The following PPIP5K2 variants were observed in gnomAD, a reference collection of about 807,000 sequenced individuals.
The protein encoded by PPIP5K2 is inositol hexakisphosphate and diphosphoinositol-pentakisphosphate kinase 2.
A neutral mutation model predicts 154.6 loss-of-function variants in PPIP5K2; 105 were observed. That is an observed-to-expected ratio of 0.68 (90% CI 0.58 to 0.80). The LOEUF is 0.80. Among genes scored for constraint, PPIP5K2 ranks in the 30% least tolerant of loss-of-function variants. The probability of loss-of-function intolerance (pLI) is 0.00; values close to 1 mark genes in which losing one functional copy is unlikely to be tolerated. For missense variants in PPIP5K2, 992 were observed against 1,504.6 expected, an observed-to-expected ratio of 0.66 and a Z score of 5.64; for synonymous variants, 480 against 490.3, an observed-to-expected ratio of 0.98 and a Z score of 0.28.
intron 24 of PPIP5K2, among the ~76,000 whole-genome samples, chr5:103,181,888 A>G (rs1446281315): frequency 1.3e-5 from 2 of 152,152 alleles, no homozygotes; most frequent in African/African-American, 2.4e-5. Flanking sequence ...GTAGATCCTT[A>G]TAACTTTATA....
In PPIP5K2 at chr5:103,129,580, T is replaced by C. The variant is rs1790274354; in HGVS notation, c.-10T>C. On this transcript the variant is annotated 5_prime_UTR_variant, in exon 2 of 31. Transcript: ENST00000358359. ...TCATTTCAATTATATCTACATCAAATAAAATAAAAATGAGTGAAGCCCCCA... is the reference window on the plus strand; with the variant it reads ...TCATTTCAATTATATCTACATCAAACAAAATAAAAATGAGTGAAGCCCCCA... 6.4e-7 allele frequency: 1 copy of C among 1,566,430 alleles called. No homozygotes were observed. The highest frequency in any genetic ancestry group is 1.4e-5 in the African/African-American group (1 of 72,092).
chr5:103,194,467 T>A (rs548286733), intron 29 of PPIP5K2, among the ~76,000 whole-genome samples: 1 of 152,200 alleles, frequency 6.6e-6, no homozygotes, highest in Non-Finnish European at 1.5e-5. Context: ...CCAGTTGAAA[T>A]TTATCCTCCT....
In PPIP5K2 at chr5:103,168,056, T is replaced by G; in HGVS notation, c.2063-16T>G. ...ATTTTTAAGTTGCATAAACTAAAAA[T>G]GTTATGTTGTTTTAGATATTCAGCT... On this transcript the variant is annotated splice_polypyrimidine_tract_variant and intron_variant, in intron 18 of 30. Coordinates refer to ENST00000358359, the MANE Select transcript of PPIP5K2 (RefSeq NM_001276277.3). 1 of 1,520,556 alleles carries G rather than the reference T, an allele frequency of 6.6e-7. No homozygotes were observed. 94.2% of individuals were successfully genotyped at this position (1,520,556 alleles called of 1,614,324 possible).
rs189819546 is a variant in PPIP5K2 at position 103,203,333 on chromosome 5, A to C, written c.*1699A>C. The C allele has an allele frequency of 7.2e-5, 11 of 152,304 alleles. No individual in the cohort carries two copies. The East Asian group carries it at 2.1e-3, about 29-fold the overall frequency. 9.4% of individuals were successfully genotyped at this position (152,304 alleles called of 1,614,324 possible). On this transcript the variant is annotated 3_prime_UTR_variant, in exon 31 of 31. Coordinates refer to ENST00000358359, the MANE Select transcript of PPIP5K2 (RefSeq NM_001276277.3). ...TATTAAATAAAATTTATTATTGGCT[A>C]TATACATAGCAATATATTACTTTCC...
chr5:103,142,578 C>T (rs1424531668), intron 5 of PPIP5K2, among the ~76,000 whole-genome samples: 1 of 152,140 alleles, frequency 6.6e-6, no homozygotes, highest in Non-Finnish European at 1.5e-5. Flanking sequence ...GCTGTGAGGA[C>T]TGCTAGCACG....
At chr5:103,152,795 T>A (rs1554211778) in intron 10 of PPIP5K2, 46 bp downstream of exon 10, 1 of 1,269,052 alleles carries the variant, frequency 7.9e-7, no homozygotes, top group Non-Finnish European at 1.1e-6. Context: ...TTCCTTGCCA[T>A]CTGTGCTATT....
At chr5:103,155,271 A>T (rs1208843407) in intron 13 of PPIP5K2, among the ~76,000 whole-genome samples, 1 of 152,112 alleles carries the variant, frequency 6.6e-6, no homozygotes, top group Middle Eastern at 3.4e-3. Flanking sequence ...GCCTTAATCA[A>T]GTAAAATGGA....
chr5:103,167,398 CTTG>C (rs782306325), intron 18 of PPIP5K2, 78 bp downstream of exon 18: 191 of 1,223,940 alleles, frequency 1.6e-4, no homozygotes, highest in Non-Finnish European at 1.0e-4. Flanking sequence ...ATGCACCAAT[CTTG>C]TTGTAAGAAA....
At chr5:103,163,452 G>A (rs1040618613) in intron 17 of PPIP5K2, among the ~76,000 whole-genome samples, 15 of 151,706 alleles carry the variant, frequency 9.9e-5, no homozygotes, top group Non-Finnish European at 1.8e-4. Context: ...CAACCTTGTC[G>A]AACTCATTAG....
chr5:103,198,972 A>G (rs1330180471), intron 30 of PPIP5K2, among the ~76,000 whole-genome samples: 1 of 151,620 alleles, frequency 6.6e-6, no homozygotes, highest in African/African-American at 2.4e-5. Flanking sequence ...GTTGCTCTAA[A>G]TATATATTCC....
chr5:103,127,496 TA>T (rs1490035414), intron 1 of PPIP5K2, among the ~76,000 whole-genome samples: 4 of 152,226 alleles, frequency 2.6e-5, no homozygotes, highest in Non-Finnish European at 5.9e-5. Context: ...CTATAATAAG[TA>T]AATAGTGTTT....
intron 19 of PPIP5K2, among the ~76,000 whole-genome samples, chr5:103,170,773 A>G (rs1797862036): frequency 6.6e-6 from 1 of 151,566 alleles, no homozygotes; most frequent in African/African-American, 2.4e-5. Context: ...ATCACCAAAA[A>G]TATAACTAAC....
intron 24 of PPIP5K2, 136 bp downstream of exon 24, chr5:103,180,324 A>C: frequency 1.6e-6 from 1 of 629,836 alleles, no homozygotes; most frequent in African/African-American, 1.9e-5. Context: ...TCTATTTTTA[A>C]ATAAATTACA....
At chr5:103,193,806 C>T (rs1801642183) in intron 29 of PPIP5K2, among the ~76,000 whole-genome samples, 1 of 152,118 alleles carries the variant, frequency 6.6e-6, no homozygotes, top group African/African-American at 2.4e-5. Flanking sequence ...CTGCCTCTCC[C>T]TTTGTTTAGG....
At chr5:103,192,569 A>G (rs1235936423) in intron 29 of PPIP5K2, among the ~76,000 whole-genome samples, 2 of 152,146 alleles carry the variant, frequency 1.3e-5, no homozygotes, top group African/African-American at 4.8e-5. Flanking sequence ...CTTGCAATGA[A>G]TGATTTGAAG....
At chr5:103,123,107 C>A (rs1288711402) in intron 1 of PPIP5K2, among the ~76,000 whole-genome samples, 1 of 152,068 alleles carries the variant, frequency 6.6e-6, no homozygotes, top group African/African-American at 2.4e-5. Flanking sequence ...TTGTTCCTTG[C>A]CAATTAAATT....
intron 19 of PPIP5K2, among the ~76,000 whole-genome samples, chr5:103,172,893 T>C (rs1798173016): frequency 6.6e-6 from 1 of 151,882 alleles, no homozygotes; most frequent in African/African-American, 2.4e-5. Flanking sequence ...ATACTAGTCA[T>C]AAAAATTACA....
chr5:103,195,076 T>C, intron 30 of PPIP5K2, 51 bp downstream of exon 30: 1 of 1,586,356 alleles, frequency 6.3e-7, no homozygotes, highest in Non-Finnish European at 8.6e-7. Context: ...ATTAGAGGAA[T>C]AGTAACTTGC....
intron 5 of PPIP5K2, 123 bp from the exon 6 acceptor site, chr5:103,146,404 G>C: frequency 2.1e-6 from 2 of 956,486 alleles, no homozygotes. Flanking sequence ...TTAAAATCAA[G>C]TAAGTACATT....
Sources: allele counts gnomAD v4.1 joint callset (sites outside exome capture counted in the v4.1 genomes callset), GRCh38; gene constraint gnomAD v4.1.1; transcripts MANE v1.5; gene names NCBI Gene and HGNC (gene_info 2026-07-23, HGNC 2026-07-21).